The following FAM81A variants were observed in gnomAD, a reference collection of about 807,000 sequenced individuals.
FAM81A encodes the protein protein FAM81A.
In FAM81A, 19 loss-of-function variants were observed where a neutral mutation model predicts 46.7. The observed-to-expected ratio is 0.41, with a 90% CI of 0.28 to 0.60. FAM81A has a LOEUF of 0.60. FAM81A is among the 20% of genes least tolerant of loss of function. The probability of loss-of-function intolerance (pLI) is 0.34; values close to 1 mark genes in which losing one functional copy is unlikely to be tolerated. For synonymous variants in FAM81A, 183 were observed against 152.9 expected (o/e 1.20, Z -1.45); for missense variants, 377 against 453.5 (o/e 0.83, Z 1.53).
chr15:59,436,052 C>T (rs768291980), upstream of FAM81A, among the ~76,000 whole-genome samples: 10 of 152,048 alleles, frequency 6.6e-5, no homozygotes, highest in Non-Finnish European at 1.3e-4. Context: ...TTTGAAAGCC[C>T]GGTTCTTACT....
chr15:59,490,658 T>TC (rs1407640271), intron 3 of FAM81A, among the ~76,000 whole-genome samples: 2 of 151,920 alleles, frequency 1.3e-5, no homozygotes, highest in African/African-American at 2.4e-5. Context: ...ACGGTGAAAC[T>TC]CCATCTCTAC....
chr15:59,419,364 T>C (rs2081160767), intron 2 of FAM81A, among the ~76,000 whole-genome samples: 13 of 152,214 alleles, frequency 8.5e-5, no homozygotes, highest in Admixed American at 8.5e-4. Context: ...TTGAACTCCC[T>C]GTTTCCTCCC....
intron 3 of FAM81A, among the ~76,000 whole-genome samples, 175 bp from the exon 4 acceptor site, chr15:59,492,092 GTCTC>G (rs368096115): frequency 6.6e-6 from 1 of 152,196 alleles, no homozygotes; most frequent in African/African-American, 2.4e-5. Context: ...AGCCTCTAAG[GTCTC>G]TCTCTGTCTA....
chr15:59,406,062 G>T (rs1403470752), intron 2 of FAM81A, among the ~76,000 whole-genome samples: 10 of 152,162 alleles, frequency 6.6e-5, no homozygotes, highest in African/African-American at 2.4e-4. Flanking sequence ...AAGGCCCCTG[G>T]AAACGAAGAC....
chr15:59,459,905 TA>T, intron 2 of FAM81A, 27 bp from the exon 3 acceptor site: 1 of 1,541,966 alleles, frequency 6.5e-7, no homozygotes, highest in African/African-American at 1.4e-5. Context: ...TTTTCCCAAT[TA>T]ACAACCCTCA....
At chr15:59,473,658 C>G (rs925073845) in intron 3 of FAM81A, among the ~76,000 whole-genome samples, 1 of 152,156 alleles carries the variant, frequency 6.6e-6, no homozygotes. Context: ...GGGAGTCAGT[C>G]TATTCTGACA....
At chr15:59,468,474 A>G (rs1228231578) in intron 3 of FAM81A, among the ~76,000 whole-genome samples, 1 of 152,064 alleles carries the variant, frequency 6.6e-6, no homozygotes, top group East Asian at 1.9e-4. Flanking sequence ...CATTTCTTCT[A>G]GATTTTCTAG....
chr15:59,497,882 T>C (rs1478489323), intron 4 of FAM81A, among the ~76,000 whole-genome samples: 2 of 152,200 alleles, frequency 1.3e-5, no homozygotes, highest in Non-Finnish European at 2.9e-5. Context: ...TTTAGAAACA[T>C]TGTCTTCCTT....
At chr15:59,483,594 T>C (rs1192239747) in intron 3 of FAM81A, among the ~76,000 whole-genome samples, 1 of 152,206 alleles carries the variant, frequency 6.6e-6, no homozygotes, top group East Asian at 1.9e-4. Context: ...CAAATGGGCC[T>C]GCAAATTGTC....
At chr15:59,479,546 T>C (rs1371685626) in intron 3 of FAM81A, among the ~76,000 whole-genome samples, 1 of 112,034 alleles carries the variant, frequency 8.9e-6, no homozygotes, top group Admixed American at 9.4e-5. Context: ...AAAAAAAGGA[T>C]GGTAAGGGAA....
chr15:59,423,008 T>A (rs1447350749), intron 2 of FAM81A, among the ~76,000 whole-genome samples: 2 of 152,226 alleles, frequency 1.3e-5, no homozygotes, highest in African/African-American at 4.8e-5. Context: ...ATTTATGGAA[T>A]GCTTACTACA....
At chr15:59,483,701 C>T (rs2081882559) in intron 3 of FAM81A, among the ~76,000 whole-genome samples, 1 of 152,114 alleles carries the variant, frequency 6.6e-6, no homozygotes, top group African/African-American at 2.4e-5. Context: ...GTGCAGAAGG[C>T]AAGAGAAGAT....
At chr15:59,462,645 C>G (rs1408053165) in intron 3 of FAM81A, among the ~76,000 whole-genome samples, 3 of 152,120 alleles carry the variant, frequency 2.0e-5, no homozygotes, top group Non-Finnish European at 4.4e-5. Context: ...AGACTTTGTT[C>G]CCATTAAAAA....
chr15:59,436,945 T>C (rs1439874317), upstream of FAM81A, among the ~76,000 whole-genome samples: 2 of 152,336 alleles, frequency 1.3e-5, no homozygotes, highest in East Asian at 3.9e-4. Flanking sequence ...GTGTCTCTTT[T>C]TCATCTTCAC....
chr15:59,479,342 C>G (rs1413520634), intron 3 of FAM81A, among the ~76,000 whole-genome samples: 1 of 151,832 alleles, frequency 6.6e-6, no homozygotes, highest in Non-Finnish European at 1.5e-5. Flanking sequence ...GATACCCTGT[C>G]TCTACTAAAA....
intron 7 of FAM81A, among the ~76,000 whole-genome samples, chr15:59,515,678 T>A (rs1040163393): frequency 1.3e-5 from 2 of 152,164 alleles, no homozygotes; most frequent in Admixed American, 1.3e-4. Flanking sequence ...TTCTTTTAAG[T>A]ATTTCCCCAT....
intron 4 of FAM81A, among the ~76,000 whole-genome samples, chr15:59,493,074 C>G (rs2081998179): frequency 6.6e-6 from 1 of 152,148 alleles, no homozygotes; most frequent in African/African-American, 2.4e-5. Context: ...TCTGCTGGGC[C>G]TAAGAGCCAA....
At chr15:59,498,308 A>C in intron 4 of FAM81A, among the ~76,000 whole-genome samples, 1 of 152,188 alleles carries the variant, frequency 6.6e-6, no homozygotes, top group Non-Finnish European at 1.5e-5. Flanking sequence ...GCTATTGTAA[A>C]TAGCAAATCA....
intron 2 of FAM81A, among the ~76,000 whole-genome samples, chr15:59,420,060 G>T (rs2081164203): frequency 1.3e-5 from 2 of 152,160 alleles, no homozygotes; most frequent in South Asian, 4.1e-4. Context: ...GATTCACAGA[G>T]AATTTACCTG....
Sources: gnomAD v4.1 joint callset for allele counts (sites outside exome capture counted in the v4.1 genomes callset) on GRCh38, gnomAD v4.1.1 for gene constraint, MANE v1.5 for transcripts, NCBI Gene and HGNC (gene_info 2026-07-23, HGNC 2026-07-21) for gene names.